The following PGK1 variants were observed in gnomAD, a reference collection of about 807,000 sequenced individuals.
PGK1 encodes the protein phosphoglycerate kinase 1, also known as PRP 2.
Under a neutral mutation model 26.9 loss-of-function variants are expected in PGK1, and 3 were observed. The ratio of observed to expected loss-of-function variants is 0.11; its 90% CI spans 0.05 to 0.29. The LOEUF (loss-of-function observed/expected upper bound fraction) is 0.29, where lower values mean the gene tolerates loss of function less well. Ranked by LOEUF, PGK1 falls within the 10% of genes least tolerant of loss-of-function variation. The pLI is 1.00. For missense variants in PGK1, 270 were observed against 314.7 expected, an observed-to-expected ratio of 0.86 and a Z score of 1.07; for synonymous variants, 125 against 115.3, an observed-to-expected ratio of 1.08 and a Z score of -0.54.
At chrX:78,104,559 G>T (rs781914247) in intron 1 of PGK1, among the ~76,000 whole-genome samples, 154 bp downstream of exon 1, 1 of 111,319 alleles carries the variant, frequency 9.0e-6, no homozygotes, top group African/African-American at 3.3e-5. Context: ...TCACGGGTTT[G>T]GTGGTTTCTA....
In PGK1 at chrX:78,122,409, TTGTGTGTGTG is replaced by T. The variant is rs201442984; in HGVS notation, c.642-392_642-383del. On this transcript the variant is annotated intron_variant, in intron 6 of 10. Transcript: ENST00000373316. Reference sequence around the variant, plus strand: ...AATTAGCAATCTTGATGCTCTGAATTTGTGTGTGTGTGTGTGTGTGTGTGTGTGTGTGTGT... The same window carrying T: ...AATTAGCAATCTTGATGCTCTGAATTTGTGTGTGTGTGTGTGTGTGTGTGT... 7.2e-3 allele frequency among the ~76,000 whole-genome samples: 636 copies of T among 88,927 alleles called. 5 individuals carry two copies. The highest frequency in any genetic ancestry group is 0.022 in the African/African-American group (495 of 22,750). The allele number at this position is 88,927 out of a possible 115,157, so 77.2% of individuals were successfully genotyped here. A position where few individuals can be genotyped will look rare whatever the true frequency, so the allele number is the denominator to read the frequency against.
At chrX:78,125,111 A>G in intron 9 of PGK1, 60 bp downstream of exon 9, 1 of 1,013,749 alleles carries the variant, frequency 9.9e-7, no homozygotes, top group Non-Finnish European at 1.4e-6. Flanking sequence ...GATCAGAGGA[A>G]GGTGGAATGG....
rs782014533 is a variant in PGK1, at chrX:78,114,148, T to C, written c.405T>C (p.Ala135=). ...AGGAAGAAGGGAAGGGAAAAGATGC[T>C]TCTGGGAACAAGGTAGGACCTGTGA... ...HVEEEGKGKD[A]SGNKVKAEPA... is the part of the protein sequence containing the mutation. Residue 135 remains alanine, a synonymous_variant, in exon 4 of 11, where the codon GCT becomes GCC. Transcript: ENST00000373316. The C allele has an allele frequency of 6.6e-5, 80 of 1,209,151 alleles. No individual in the cohort carries two copies. Among genetic ancestry groups the C allele is most frequent in the Non-Finnish European group, 8.4e-5 (75 of 894,439 alleles).
At chrX:78,123,695 G>C (rs1254037933) in intron 8 of PGK1, among the ~76,000 whole-genome samples, 1 of 105,204 alleles carries the variant, frequency 9.5e-6, no homozygotes, top group African/African-American at 3.5e-5. Flanking sequence ...TGCAACCTCT[G>C]CCTCCCAGGT....
intron 1 of PGK1, among the ~76,000 whole-genome samples, chrX:78,107,302 G>A (rs977902047): frequency 9.1e-6 from 1 of 110,201 alleles, no homozygotes; most frequent in Non-Finnish European, 1.9e-5. Context: ...ATTTTATTAC[G>A]TGCGTAGATT....
chrX:78,119,604 T>C (rs781786383), intron 6 of PGK1, among the ~76,000 whole-genome samples: 2 of 111,760 alleles, frequency 1.8e-5, no homozygotes, highest in African/African-American at 6.5e-5. Flanking sequence ...TCTCGAATTA[T>C]CCCCACGTGT....
chrX:78,124,854 C>G lies in PGK1; in HGVS notation c.937-20C>G, dbSNP rs782652022. Reference sequence around the variant, plus strand: ...AGCTTTTCTTGATAGCTCATCTTCTCTTTCACCTCTACCCCTCAGGGCTTG... The same window carrying G: ...AGCTTTTCTTGATAGCTCATCTTCTGTTTCACCTCTACCCCTCAGGGCTTG... On this transcript the variant is annotated intron_variant, in intron 8 of 10. Coordinates refer to ENST00000373316, the MANE Select transcript of PGK1 (RefSeq NM_000291.4). 2.5e-6 allele frequency: 3 copies of G among 1,198,700 alleles called. No homozygotes were observed. Among genetic ancestry groups the G allele is most frequent in the Non-Finnish European group, 3.4e-6 (3 of 885,005 alleles).
intron 1 of PGK1, 90 bp from the exon 2 acceptor site, chrX:78,109,777 C>G (rs781842213): frequency 1.6e-6 from 1 of 641,138 alleles, no homozygotes; most frequent in African/African-American, 2.2e-5. Context: ...ATTTGAATTT[C>G]TGACTTATTT....
In PGK1 at chrX:78,116,743, G is replaced by T. The variant is rs782387651; in HGVS notation, c.418-569G>T. Among the ~76,000 whole-genome samples, 94 of 112,366 alleles carry T rather than the reference G, an allele frequency of 8.4e-4. 1 individual carries two copies. Among genetic ancestry groups the T allele is most frequent in the African/African-American group, 3.0e-3 (94 of 30,957 alleles). On this transcript the variant is annotated intron_variant, in intron 4 of 10. Coordinates refer to ENST00000373316, the MANE Select transcript of PGK1 (RefSeq NM_000291.4). ...TAGAAGTATATTTCTTGTTTTCTCA[G>T]ATGCCTAGCTTCCAGAGAAGGTCAT...
rs78165041 is a variant in PGK1, at chrX:78,113,798, G to A, written c.171G>A (p.Ser57=). ...IKFCLDNGAK[S]VVLMSHLGRP... ...TCTGCTTGGACAATGGAGCCAAGTCGGTAGTCCTTATGAGCCACCTAGGCC... is the reference window on the plus strand; with the variant it reads ...TCTGCTTGGACAATGGAGCCAAGTCAGTAGTCCTTATGAGCCACCTAGGCC... Residue 57 remains serine (S), a synonymous_variant, in exon 3 of 11, where the codon TCG becomes TCA. Coordinates refer to ENST00000373316, the MANE Select transcript of PGK1 (RefSeq NM_000291.4). The A allele has an allele frequency of 2.4e-4, 294 of 1,206,282 alleles. No individual in the cohort carries two copies. In the African/African-American group the frequency reaches 4.8e-3, roughly 20 times the overall value.
intron 4 of PGK1, 35 bp from the exon 5 acceptor site, chrX:78,117,277 G>A: frequency 1.1e-6 from 1 of 917,893 alleles, no homozygotes; most frequent in Non-Finnish European, 1.6e-6. Context: ...TGTCTTTGGA[G>A]CCATCACATT....
At chrX:78,115,514 C>A (rs1557247377) in intron 4 of PGK1, among the ~76,000 whole-genome samples, 1 of 111,007 alleles carries the variant, frequency 9.0e-6, no homozygotes, top group African/African-American at 3.3e-5. Flanking sequence ...AAAAGTCGGG[C>A]ATGGTGGCAA....
At chrX:78,110,948 T>C (rs1424291566) in intron 2 of PGK1, among the ~76,000 whole-genome samples, 3 of 103,991 alleles carry the variant, frequency 2.9e-5, no homozygotes, top group African/African-American at 1.1e-4. Context: ...CTTTACTTTC[T>C]TTTTAATTTT....
At position 78,118,298 on chromosome X, in the gene PGK1, C is replaced by T. The variant is rs2078336182; in HGVS notation, c.641+128C>T. 8 of 728,603 alleles carry T rather than the reference C, an allele frequency of 1.1e-5. No homozygotes were observed. In the Admixed American group the frequency reaches 1.9e-4, roughly 17 times the overall value. The allele number at this position is 728,603 out of a possible 1,213,427, so 60.0% of individuals were successfully genotyped here. On this transcript the variant is annotated intron_variant, in intron 6 of 10. Transcript: ENST00000373316. ...TGAGGAGAATTTAATAAAGGAACTA[C>T]AGGCTGGGCATGGTGGCTCACACCT...
In PGK1 at chrX:78,106,740, C is replaced by T. The variant is rs782773944; in HGVS notation, c.65+2335C>T. ...GTTCCATCTTAGTTTTTTAGGACTC[C>T]GCAGTTGACTTTACAGCCTCTTTGA... is the stretch of plus-strand genomic sequence containing the variant. On this transcript the variant is annotated intron_variant, in intron 1 of 10. Coordinates refer to ENST00000373316, the MANE Select transcript of PGK1 (RefSeq NM_000291.4). 9 of 387,847 alleles carry T rather than the reference C, an allele frequency of 2.3e-5. No individual in the cohort carries two copies. The Admixed American group carries it at 3.7e-4, about 16-fold the overall frequency. 32.0% of individuals were successfully genotyped at this position (387,847 alleles called of 1,213,427 possible). A position where few individuals can be genotyped will look rare whatever the true frequency, so the allele number is the denominator to read the frequency against.
chrX:78,126,731 C>T lies in PGK1; in HGVS notation c.*901C>T, dbSNP rs1383242069. The T allele has an allele frequency of 2.7e-5, 3 of 110,918 alleles. No homozygotes were observed. The highest frequency in any genetic ancestry group is 9.6e-5 in the Admixed American group (1 of 10,401). 9.1% of individuals were successfully genotyped at this position (110,918 alleles called of 1,213,427 possible). A position where few individuals can be genotyped will look rare whatever the true frequency, so the allele number is the denominator to read the frequency against. On this transcript the variant is annotated 3_prime_UTR_variant, in exon 11 of 11. Transcript: ENST00000373316. ...ATATATTTCCACTTCTTCATTCTCT[C>T]GGTATAGTTTTGTCACAATTATAGA...
intron 2 of PGK1, 99 bp downstream of exon 2, chrX:78,110,016 C>A: frequency 1.7e-6 from 1 of 596,081 alleles, no homozygotes; most frequent in East Asian, 3.3e-5. Context: ...ACTGTAGCAA[C>A]TTAAAACAAA....
intron 10 of PGK1, 32 bp downstream of exon 10, chrX:78,125,457 G>A (rs369753557): frequency 1.9e-5 from 18 of 965,634 alleles, no homozygotes; most frequent in Non-Finnish European, 2.4e-5. Context: ...GCTTGTTTGG[G>A]ATAAGGGTGG....
intron 6 of PGK1, among the ~76,000 whole-genome samples, chrX:78,120,250 C>T (rs1436221371): frequency 9.0e-6 from 1 of 110,930 alleles, no homozygotes; most frequent in Non-Finnish European, 1.9e-5. Flanking sequence ...CCCAGGTATC[C>T]ATTACCCTGT....
Sources: gnomAD v4.1 joint callset for allele counts (sites outside exome capture counted in the v4.1 genomes callset) on GRCh38, gnomAD v4.1.1 for gene constraint, MANE v1.5 for transcripts, NCBI Gene and HGNC (gene_info 2026-07-23, HGNC 2026-07-21) for gene names.